AKAP6: variants seen among roughly 807,000 people sequenced by gnomAD.
AKAP6 encodes the protein A-kinase anchor protein 6.
A neutral mutation model predicts 188.5 loss-of-function variants in AKAP6; 58 were observed. That is an observed-to-expected ratio of 0.31 (90% CI 0.25 to 0.38). The LOEUF is 0.38. Ranked by LOEUF, AKAP6 falls within the 10% of genes least tolerant of loss-of-function variation. The pLI is 1.00. For synonymous variants in AKAP6, 989 were observed against 998.6 expected (o/e 0.99, Z 0.18); for missense variants, 2,710 against 2,740.0 (o/e 0.99, Z 0.24).
chr14:32,509,590 G>A (rs1273232143), intron 2 of AKAP6, among the ~76,000 whole-genome samples: 1 of 152,152 alleles, frequency 6.6e-6, no homozygotes, highest in Admixed American at 6.5e-5. Context: ...TGGTATGTGT[G>A]TTTTATGAAT....
intron 7 of AKAP6, among the ~76,000 whole-genome samples, chr14:32,656,639 G>C (rs965443310): frequency 6.6e-6 from 1 of 152,150 alleles, no homozygotes; most frequent in Admixed American, 6.6e-5. Context: ...GTTTAGTGTA[G>C]AGCAATCTTT....
rs560598652 is a variant in AKAP6, at chr14:32,681,778, A to T, written c.2879+3319A>T. ...CACTGCAGCCACAGCTTCTTGGCTC[A>T]GGTGATTCTCCCACCTCAGCCTCCT... On this transcript the variant is annotated intron_variant, in intron 8 of 13. Coordinates refer to ENST00000280979, the MANE Select transcript of AKAP6 (RefSeq NM_004274.5). Among the ~76,000 whole-genome samples, 19 of 150,322 alleles carry T rather than the reference A, an allele frequency of 1.3e-4. No homozygotes were observed. The South Asian group carries it at 4.0e-3, about 31-fold the overall frequency.
chr14:32,469,657 C>T (rs1388629863), intron 2 of AKAP6, among the ~76,000 whole-genome samples: 2 of 149,858 alleles, frequency 1.3e-5, no homozygotes, highest in African/African-American at 5.0e-5. Context: ...TTCTTTGCCT[C>T]GCTAGTTAAA....
At chr14:32,356,582 A>G (rs1372509712) in intron 1 of AKAP6, among the ~76,000 whole-genome samples, 1 of 152,078 alleles carries the variant, frequency 6.6e-6, no homozygotes, top group African/African-American at 2.4e-5. Context: ...ATTTCCTTAC[A>G]TGGGAATCTT....
chr14:32,611,477 A>G lies in AKAP6; in HGVS notation c.2730+10685A>G, dbSNP rs375761510. The stretch of plus-strand genomic sequence containing the variant: ...AAAATGCAAGCCTGAAGCTCAGAGT[A>G]GAGGTCAATGTTAAGGATGTAGGTT... On this transcript the variant is annotated intron_variant, in intron 7 of 13. Transcript: ENST00000280979. Among the ~76,000 whole-genome samples the G allele has an allele frequency of 1.1e-3, 174 of 152,358 alleles. 3 individuals are homozygous for G. The South Asian group carries it at 0.036, about 32-fold the overall frequency.
At position 32,737,636 on chromosome 14, in the gene AKAP6, G is replaced by C. The variant is rs560979093; in HGVS notation, c.3372+1754G>C. On this transcript the variant is annotated intron_variant, in intron 11 of 13. Transcript: ENST00000280979. The stretch of plus-strand genomic sequence containing the variant: ...GCTCTGCCTCTCGTGGGTTCCTAAA[G>C]GTCTCCTGCCATGACTGGTCACACA... 2.5e-3 allele frequency among the ~76,000 whole-genome samples: 377 copies of C among 152,214 alleles called. 1 individual carries two copies. Among genetic ancestry groups the C allele is most frequent in the Non-Finnish European group, 2.5e-3 (171 of 67,992 alleles).
At chr14:32,489,682 G>C (rs1158667749) in intron 2 of AKAP6, among the ~76,000 whole-genome samples, 1 of 152,196 alleles carries the variant, frequency 6.6e-6, no homozygotes, top group East Asian at 1.9e-4. Flanking sequence ...GGAATACCCT[G>C]TGGCCCTTCC....
chr14:32,469,914 C>T (rs570120867), intron 2 of AKAP6, among the ~76,000 whole-genome samples: 4 of 152,148 alleles, frequency 2.6e-5, no homozygotes, highest in African/African-American at 9.6e-5. Flanking sequence ...AGATGTTTAT[C>T]TTTTTATTTT....
At chr14:32,527,176 A>G (rs1331719144) in intron 2 of AKAP6, among the ~76,000 whole-genome samples, 2 of 152,226 alleles carry the variant, frequency 1.3e-5, no homozygotes, top group East Asian at 1.9e-4. Flanking sequence ...AATGTCATAT[A>G]AATGGAATAG....
chr14:32,545,377 G>A lies in AKAP6; in HGVS notation c.724G>A (p.Asp242Asn), dbSNP rs1054855838. ...TGAGGATTTGCTCAGTGGGCTAGGT[G>A]ACATGACCTCTAGCCAAGTCAAAAC... Reference protein sequence around the residue: ...PSEDLLSGLGDMTSSQVKTKP... With the variant: ...PSEDLLSGLGNMTSSQVKTKP... Residue 242 changes from aspartate to asparagine, a missense_variant, in exon 4 of 14, where the codon GAC (aspartate) becomes AAC (asparagine). Physicochemically the swap from Asp to Asn is conservative, Grantham distance 23. Transcript: ENST00000280979. The A allele has an allele frequency of 1.9e-6, 3 of 1,614,072 alleles. No homozygotes were observed. Among genetic ancestry groups the A allele is most frequent in the African/African-American group, 2.7e-5 (2 of 74,936 alleles).
intron 9 of AKAP6, among the ~76,000 whole-genome samples, chr14:32,730,700 C>T (rs1352749642): frequency 1.3e-5 from 2 of 152,106 alleles, no homozygotes. Context: ...TTCCTGCCTG[C>T]CTGAAATACT....
chr14:32,726,667 GC>G (rs2030890608), intron 9 of AKAP6, among the ~76,000 whole-genome samples: 1 of 152,226 alleles, frequency 6.6e-6, no homozygotes, highest in South Asian at 2.1e-4. Context: ...CAATGCCTAT[GC>G]AACTTCTCTT....
chr14:32,510,784 T>G (rs967314314), intron 2 of AKAP6, among the ~76,000 whole-genome samples: 6 of 152,256 alleles, frequency 3.9e-5, no homozygotes, highest in Non-Finnish European at 7.4e-5. Flanking sequence ...GAATATTTGT[T>G]CATTTCAAGG....
intron 5 of AKAP6, among the ~76,000 whole-genome samples, chr14:32,581,123 G>A (rs1049337501): frequency 3.3e-4 from 51 of 152,318 alleles, no homozygotes; most frequent in African/African-American, 1.1e-3. Flanking sequence ...CTGAGGAATT[G>A]CCACACTGAC....
rs760794698 is a variant in AKAP6, at chr14:32,470,203, C to T, written c.324+36386C>T. ...CTCAAAGTGTGGTCTGTGGACTGGA[C>T]GCTTGGGCCACACCTGGGAACTGTT... On this transcript the variant is annotated intron_variant, in intron 2 of 13. Transcript: ENST00000280979. Among the ~76,000 whole-genome samples, 11 of 152,172 alleles carry T rather than the reference C, an allele frequency of 7.2e-5. No homozygotes were observed. In the East Asian group the frequency reaches 1.4e-3, roughly 19 times the overall value.
chr14:32,832,413 C>T lies in AKAP6; in HGVS notation c.*2608C>T, dbSNP rs1407794925. On this transcript the variant is annotated 3_prime_UTR_variant, in exon 14 of 14. Coordinates refer to ENST00000280979, the MANE Select transcript of AKAP6 (RefSeq NM_004274.5). ...AGAACAAACTGACAATGATGTTCTA[C>T]CTACTTGTTACATGCTCATGGAAGA... 6.6e-6 allele frequency: 1 copy of T among 152,142 alleles called. No individual in the cohort carries two copies. Among genetic ancestry groups the T allele is most frequent in the Non-Finnish European group, 1.5e-5 (1 of 68,020 alleles). 9.4% of individuals were successfully genotyped at this position (152,142 alleles called of 1,614,324 possible).
At chr14:32,817,684 A>G (rs1248954192) in intron 12 of AKAP6, among the ~76,000 whole-genome samples, 2 of 152,130 alleles carry the variant, frequency 1.3e-5, no homozygotes, top group African/African-American at 4.8e-5. Context: ...GTCTCATTCA[A>G]ATACTCTTAG....
intron 2 of AKAP6, among the ~76,000 whole-genome samples, chr14:32,467,187 C>G (rs1170856922): frequency 6.7e-6 from 1 of 149,860 alleles, no homozygotes; most frequent in African/African-American, 2.5e-5. Context: ...ACATGAACCC[C>G]CGAACCTAAA....
intron 12 of AKAP6, among the ~76,000 whole-genome samples, chr14:32,795,485 A>G (rs570358003): frequency 6.6e-6 from 1 of 152,354 alleles, no homozygotes; most frequent in East Asian, 1.9e-4. Context: ...TTGGTTCAAC[A>G]TATGTGAGTC....
Sources: gnomAD v4.1 joint callset for allele counts (sites outside exome capture counted in the v4.1 genomes callset) on GRCh38, gnomAD v4.1.1 for gene constraint, MANE v1.5 for transcripts, NCBI Gene and HGNC (gene_info 2026-07-23, HGNC 2026-07-21) for gene names.